XPO1: variants seen among roughly 807,000 people sequenced by gnomAD.
XPO1 encodes the protein exportin-1.
A neutral mutation model predicts 133.3 loss-of-function variants in XPO1; 5 were observed. That is an observed-to-expected ratio of 0.04 (90% confidence interval 0.02 to 0.08). The LOEUF is 0.08. Among genes scored for constraint, XPO1 ranks in the 10% least tolerant of loss-of-function variants. The pLI is 1.00. For missense variants in XPO1, 506 were observed against 1,267.5 expected (o/e 0.40, Z 9.12); for synonymous variants, 419 against 408.2 (o/e 1.03, Z -0.32).
chr2:61,535,853 T>C (rs1040654436), intron 1 of XPO1, among the ~76,000 whole-genome samples: 1 of 152,212 alleles, frequency 6.6e-6, no homozygotes, highest in African/African-American at 2.4e-5. Flanking sequence ...CAAATGAATG[T>C]GTAAACTCTC....
intron 12 of XPO1, 118 bp from the exon 13 acceptor site, chr2:61,493,171 G>A: frequency 9.9e-7 from 1 of 1,012,014 alleles, no homozygotes; most frequent in South Asian, 1.9e-5. Flanking sequence ...CATGTGTAGG[G>A]ATTCATGCCT....
At chr2:61,513,399 T>C (rs2104642453) in intron 4 of XPO1, among the ~76,000 whole-genome samples, 1 of 148,150 alleles carries the variant, frequency 6.7e-6, no homozygotes, top group Admixed American at 6.8e-5. Flanking sequence ...AGAGTCTTGC[T>C]CTGTCACCCA....
At chr2:61,501,962 T>C in intron 6 of XPO1, 34 bp downstream of exon 6, 1 of 1,536,600 alleles carries the variant, frequency 6.5e-7, no homozygotes, top group Non-Finnish European at 8.9e-7. Context: ...ATAAGCATAA[T>C]TCTTCTAAGG....
At chr2:61,532,596 G>T (rs113174876) in intron 2 of XPO1, among the ~76,000 whole-genome samples, 642 of 151,680 alleles carry the variant, frequency 4.2e-3, no homozygotes, top group Non-Finnish European at 7.2e-3. Flanking sequence ...TCCACACTTT[G>T]GGAGGCCAAG....
chr2:61,506,686 C>CAAATAAATAAAT (rs202036818), intron 4 of XPO1, among the ~76,000 whole-genome samples: 76 of 149,522 alleles, frequency 5.1e-4, no homozygotes, highest in Admixed American at 1.3e-3. Context: ...GACTCCACCT[C>CAAATAAATAAAT]AAATAAATAA....
intron 4 of XPO1, among the ~76,000 whole-genome samples, chr2:61,503,662 G>A (rs1225713255): frequency 6.6e-6 from 1 of 152,100 alleles, no homozygotes; most frequent in African/African-American, 2.4e-5. Flanking sequence ...CTGACCTCGT[G>A]ATCTGCCTGC....
At chr2:61,485,620 A>T (rs1696655539) in intron 20 of XPO1, 148 bp downstream of exon 20, 2 of 764,442 alleles carry the variant, frequency 2.6e-6, no homozygotes, top group Non-Finnish European at 4.0e-6. Context: ...GTTCTTGAAA[A>T]CCAAGAAAGT....
At chr2:61,513,209 C>A (rs2104639531) in intron 4 of XPO1, among the ~76,000 whole-genome samples, 1 of 152,162 alleles carries the variant, frequency 6.6e-6, no homozygotes, top group African/African-American at 2.4e-5. Context: ...CAGGTGCATG[C>A]CACCACGCCT....
chr2:61,488,691 A>G lies in XPO1; in HGVS notation c.2103T>C (p.Ala701=), dbSNP rs1478280222. ...GCTGAATTACAAAGGGGTGTCCAAC[A>G]GCTTTGCAGGCTCTCACATTTGTTT... ...ILKTNVRACK[A]VGHPFVIQLG... The change falls in exon 18 of 25, where the codon GCT becomes GCC. Residue 701 remains alanine (A), a synonymous_variant. Transcript: ENST00000401558. 4 of 1,614,106 alleles carry G rather than the reference A, an allele frequency of 2.5e-6. No individual in the cohort carries two copies. The highest frequency in any genetic ancestry group is 3.4e-6 in the Non-Finnish European group (4 of 1,180,042).
rs936435863 is a variant in XPO1, at chr2:61,537,718, CAAT to C, written c.-166_-164del. 20 of 149,926 alleles carry C rather than the reference CAAT, an allele frequency of 1.3e-4. No individual in the cohort carries two copies. The highest frequency in any genetic ancestry group is 3.5e-4 in the African/African-American group (14 of 40,276). 9.3% of individuals were successfully genotyped at this position (149,926 alleles called of 1,614,324 possible). A position where few individuals can be genotyped will look rare whatever the true frequency, so the allele number is the denominator to read the frequency against. On this transcript the variant is annotated 5_prime_UTR_variant, in exon 1 of 25. Coordinates refer to ENST00000401558, the MANE Select transcript of XPO1 (RefSeq NM_003400.4). The stretch of plus-strand genomic sequence containing the variant: ...GGACAGGAAAAGGGCAAAAAGAGCT[CAAT>C]AATATTTACTATTTCAGGGACGCTT...
Position 61,478,042 on chromosome 2 carries a change from GT to G in XPO1, c.*777del. On this transcript the variant is annotated 3_prime_UTR_variant, in exon 25 of 25. Coordinates refer to ENST00000401558, the MANE Select transcript of XPO1 (RefSeq NM_003400.4). ...TCATCTCAAAAGCCAGAGTTGTTTT[GT>G]TTTTTAATGAGTTGTTAAAAAGATG... 5.2e-6 allele frequency: 1 copy of G among 193,542 alleles called. No homozygotes were observed. Among genetic ancestry groups the G allele is most frequent in the Non-Finnish European group, 1.1e-5 (1 of 92,958 alleles). The allele number at this position is 193,542 out of a possible 1,614,324, so 12.0% of individuals were successfully genotyped here.
chr2:61,480,991 T>C (rs1170847036), intron 24 of XPO1, among the ~76,000 whole-genome samples, 194 bp downstream of exon 24: 2 of 152,310 alleles, frequency 1.3e-5, no homozygotes, highest in East Asian at 3.9e-4. Context: ...CTCAAACATA[T>C]CTATCCTTAT....
At chr2:61,507,847 G>A (rs1320335005) in intron 4 of XPO1, among the ~76,000 whole-genome samples, 2 of 151,894 alleles carry the variant, frequency 1.3e-5, no homozygotes. Flanking sequence ...CTAGTGAGCT[G>A]AAATAGTGCC....
chr2:61,531,466 T>C (rs1282427899), intron 2 of XPO1, among the ~76,000 whole-genome samples: 1 of 152,208 alleles, frequency 6.6e-6, no homozygotes, highest in Non-Finnish European at 1.5e-5. Context: ...AAAAGCAGTA[T>C]TGCTGTAATA....
Position 61,520,651 on chromosome 2 carries a change from GAAGA to G in XPO1, c.301+1956_301+1959del, listed in dbSNP as rs561212780. ...CAGAGTGAGAATCTGTCTCAACAAA[GAAGA>G]AAGAAAGAAACAAAAATTTTTTAAA... On this transcript the variant is annotated intron_variant, in intron 4 of 24. Coordinates refer to ENST00000401558, the MANE Select transcript of XPO1 (RefSeq NM_003400.4). Among the ~76,000 whole-genome samples, 22 of 152,224 alleles carry G rather than the reference GAAGA, an allele frequency of 1.4e-4. No individual in the cohort carries two copies. In the South Asian group the frequency reaches 2.3e-3, roughly 16 times the overall value.
chr2:61,522,146 T>C (rs1158527209), intron 4 of XPO1, among the ~76,000 whole-genome samples: 1 of 152,098 alleles, frequency 6.6e-6, no homozygotes, highest in Non-Finnish European at 1.5e-5. Context: ...CATGGCTCAC[T>C]GCAGTCTCGA....
chr2:61,527,472 A>G (rs1253651059), intron 2 of XPO1, among the ~76,000 whole-genome samples: 1 of 152,170 alleles, frequency 6.6e-6, no homozygotes, highest in African/African-American at 2.4e-5. Flanking sequence ...TGGGTGAAAG[A>G]GCAGAGACCC....
At chr2:61,502,382 T>C in intron 4 of XPO1, 72 bp from the exon 5 acceptor site, 1 of 1,367,956 alleles carries the variant, frequency 7.3e-7, no homozygotes. Context: ...TTTTGAGAAC[T>C]AATTAATGTG....
chr2:61,518,417 AACACACACACACACACACACACAC>A lies in XPO1; in HGVS notation c.301+4170_301+4193del, dbSNP rs200566050. ...AAAAAAAACAAAAAACAAAAAACAA[AACACACACACACACACACACACAC>A]ACACACACACACACACACACACAAA... On this transcript the variant is annotated intron_variant, in intron 4 of 24. Transcript: ENST00000401558. Among the ~76,000 whole-genome samples the A allele has an allele frequency of 2.7e-4, 33 of 124,524 alleles. No homozygotes were observed. The East Asian group carries it at 4.4e-3, about 17-fold the overall frequency. The allele number at this position is 124,524 out of a possible 152,430, so 81.7% of individuals were successfully genotyped here.
Sources: allele counts gnomAD v4.1 joint callset (sites outside exome capture counted in the v4.1 genomes callset), GRCh38; gene constraint gnomAD v4.1.1; transcripts MANE v1.5; gene names NCBI Gene and HGNC (gene_info 2026-07-23, HGNC 2026-07-21).